PDGFD: variants seen among roughly 807,000 people sequenced by gnomAD.
The protein encoded by PDGFD is platelet derived growth factor D, also known as platelet-derived growth factor D.
In PDGFD, 30 loss-of-function variants were observed where a neutral mutation model predicts 44.7. That is an observed-to-expected ratio of 0.67 (90% confidence interval 0.50 to 0.91). The LOEUF is 0.91. PDGFD is among the 40% of genes least tolerant of loss of function. PDGFD has a pLI of 0.00. For missense variants in PDGFD, 445 were observed against 457.8 expected (o/e 0.97, Z 0.25); for synonymous variants, 173 against 168.4 (o/e 1.03, Z -0.21).
chr11:103,955,726 T>C (rs1858832636), intron 3 of PDGFD, among the ~76,000 whole-genome samples: 1 of 152,176 alleles, frequency 6.6e-6, no homozygotes, highest in Admixed American at 6.5e-5. Flanking sequence ...AATTTAATAA[T>C]ATATGTTTCT....
chr11:103,955,219 A>C (rs1490349786), intron 3 of PDGFD, among the ~76,000 whole-genome samples: 1 of 147,292 alleles, frequency 6.8e-6, no homozygotes, highest in Non-Finnish European at 1.5e-5. Context: ...ACAGTAATGA[A>C]CAAACACATG....
chr11:103,921,264 T>A (rs181401264), intron 6 of PDGFD, among the ~76,000 whole-genome samples: 1 of 152,300 alleles, frequency 6.6e-6, no homozygotes, highest in East Asian at 1.9e-4. Flanking sequence ...TTTCTTGACT[T>A]TTATTATGGT....
At chr11:103,927,291 T>C (rs1035833264) in intron 5 of PDGFD, among the ~76,000 whole-genome samples, 165 bp from the exon 6 acceptor site, 2 of 152,168 alleles carry the variant, frequency 1.3e-5, no homozygotes, top group East Asian at 1.9e-4. Context: ...GTAAAAGACC[T>C]AATTTCTCTC....
chr11:104,048,176 C>G (rs1860473330), intron 1 of PDGFD, among the ~76,000 whole-genome samples: 1 of 151,978 alleles, frequency 6.6e-6, no homozygotes, highest in African/African-American at 2.4e-5. Flanking sequence ...CACAGGCATT[C>G]AAAAGCTCTC....
At chr11:104,120,656 TC>T (rs1861765498) in intron 1 of PDGFD, among the ~76,000 whole-genome samples, 1 of 151,984 alleles carries the variant, frequency 6.6e-6, no homozygotes, top group Non-Finnish European at 1.5e-5. Context: ...CACAATATCT[TC>T]CCATTCTGTT....
intron 6 of PDGFD, among the ~76,000 whole-genome samples, chr11:103,925,841 G>A (rs867994704): frequency 1.4e-3 from 218 of 151,026 alleles, no homozygotes; most frequent in African/African-American, 5.1e-3. Flanking sequence ...TGATTCTCCC[G>A]CCTCAGCCTC....
intron 1 of PDGFD, among the ~76,000 whole-genome samples, chr11:104,090,450 T>C (rs1183338615): frequency 6.9e-6 from 1 of 144,676 alleles, no homozygotes; most frequent in Non-Finnish European, 1.5e-5. Context: ...TGATACCCTG[T>C]CTCTACCAAA....
At chr11:103,996,504 G>A (rs1356388807) in intron 2 of PDGFD, among the ~76,000 whole-genome samples, 1 of 152,068 alleles carries the variant, frequency 6.6e-6, no homozygotes, top group Non-Finnish European at 1.5e-5. Flanking sequence ...ATCAAAATGG[G>A]TCACTTTCTG....
chr11:104,032,313 A>T (rs1488034772), intron 1 of PDGFD, among the ~76,000 whole-genome samples: 1 of 152,198 alleles, frequency 6.6e-6, no homozygotes, highest in African/African-American at 2.4e-5. Context: ...GAATTATGAA[A>T]ACATTAGTTA....
intron 1 of PDGFD, among the ~76,000 whole-genome samples, chr11:104,160,265 G>A (rs1565351709): frequency 6.6e-6 from 1 of 152,116 alleles, no homozygotes; most frequent in Non-Finnish European, 1.5e-5. Context: ...ACTAACCAAA[G>A]AGAACTAATT....
chr11:103,951,639 C>T (rs764073773), intron 3 of PDGFD, among the ~76,000 whole-genome samples: 2 of 152,138 alleles, frequency 1.3e-5, no homozygotes, highest in South Asian at 2.1e-4. Context: ...GCAAATAACA[C>T]GACAAGCCTC....
At chr11:103,973,689 G>A (rs935460302) in intron 3 of PDGFD, among the ~76,000 whole-genome samples, 2 of 152,138 alleles carry the variant, frequency 1.3e-5, no homozygotes, top group Non-Finnish European at 2.9e-5. Flanking sequence ...AGCAGAGGCT[G>A]AATTTAAATT....
chr11:104,043,175 A>G (rs773112352), intron 1 of PDGFD, among the ~76,000 whole-genome samples: 6 of 152,190 alleles, frequency 3.9e-5, no homozygotes, highest in Admixed American at 1.3e-4. Context: ...AGTAGAGGGA[A>G]TGGTTCCTGC....
chr11:104,023,049 G>T (rs902936148), intron 1 of PDGFD, among the ~76,000 whole-genome samples: 4 of 152,038 alleles, frequency 2.6e-5, no homozygotes, highest in African/African-American at 7.2e-5. Context: ...AAACTCTGTG[G>T]TAGCTCACTT....
At chr11:104,098,103 T>C (rs560436334) in intron 1 of PDGFD, among the ~76,000 whole-genome samples, 1 of 152,328 alleles carries the variant, frequency 6.6e-6, no homozygotes, top group African/African-American at 2.4e-5. Context: ...TGAGATGGGT[T>C]CTCAACTTCT....
chr11:104,036,847 C>A (rs762491715), intron 1 of PDGFD: 2 of 1,613,884 alleles, frequency 1.2e-6, no homozygotes, highest in East Asian at 2.2e-5. Context: ...GTACTGCGTG[C>A]GGAGGGACCT....
intron 1 of PDGFD, among the ~76,000 whole-genome samples, chr11:104,112,634 A>T (rs1321365177): frequency 1.3e-5 from 2 of 152,154 alleles, no homozygotes; most frequent in African/African-American, 2.4e-5. Context: ...ATGCCCATCG[A>T]TGATAGACTG....
chr11:104,051,121 T>C (rs1425906954), intron 1 of PDGFD, among the ~76,000 whole-genome samples: 1 of 152,154 alleles, frequency 6.6e-6, no homozygotes, highest in Non-Finnish European at 1.5e-5. Flanking sequence ...CCCTCCATTA[T>C]GATGAAAACC....
intron 1 of PDGFD, among the ~76,000 whole-genome samples, chr11:104,106,021 T>C (rs1861467715): frequency 6.6e-6 from 1 of 152,292 alleles, no homozygotes. Flanking sequence ...AGAGTTACTT[T>C]AGAAGTATTG....
Sources: gnomAD v4.1 joint callset for allele counts (sites outside exome capture counted in the v4.1 genomes callset) on GRCh38, gnomAD v4.1.1 for gene constraint, MANE v1.5 for transcripts, NCBI Gene and HGNC (gene_info 2026-07-23, HGNC 2026-07-21) for gene names.